SETD6: variants seen among roughly 807,000 people sequenced by gnomAD.
SETD6 encodes SET domain containing 6, protein lysine methyltransferase, also known as N-lysine methyltransferase SETD6.
In SETD6, 67 loss-of-function variants were observed where a neutral mutation model predicts 52.7. That is an observed-to-expected ratio of 1.27 (90% CI 1.04 to 1.56). The LOEUF (loss-of-function observed/expected upper bound fraction) is 1.56. SETD6 is among the 40% of genes most tolerant of loss of function. SETD6 has a pLI of 0.00. For synonymous variants in SETD6, 307 were observed against 250.2 expected, an observed-to-expected ratio of 1.23 and a Z score of -2.14; for missense variants, 712 against 607.5, an observed-to-expected ratio of 1.17 and a Z score of -1.81.
At position 58,523,721 on chromosome 16, in the gene SETD6, A is replaced by G. The variant is rs2039485401; in HGVS notation, c.*4692A>G. ...GATTTTAAAAATATTCATTTTTAAA[A>G]ACAGACCCACTATGTGCTAATGTAA... On this transcript the variant is annotated 3_prime_UTR_variant, in exon 8 of 8. Coordinates refer to ENST00000219315, the MANE Select transcript of SETD6 (RefSeq NM_001160305.4). The G allele has an allele frequency of 1.7e-5, 7 of 417,480 alleles. No homozygotes were observed. The South Asian group carries it at 2.7e-4, about 16-fold the overall frequency. 25.9% of individuals were successfully genotyped at this position (417,480 alleles called of 1,614,324 possible). A position where few individuals can be genotyped will look rare whatever the true frequency, so the allele number is the denominator to read the frequency against.
rs1028451106 is a variant in SETD6, at chr16:58,520,191, T to TC, written c.*1165dup. The TC allele has an allele frequency of 9.2e-5, 14 of 151,746 alleles. No individual in the cohort carries two copies. The highest frequency in any genetic ancestry group is 3.4e-4 in the African/African-American group (14 of 41,338). 9.4% of individuals were successfully genotyped at this position (151,746 alleles called of 1,614,324 possible). Reference sequence around the variant, plus strand: ...GAACAATTAATTAATGAGATTTGGTTCCCTTTCCTATATTCCCACTGTTTT... The same window carrying TC: ...GAACAATTAATTAATGAGATTTGGTTCCCCTTTCCTATATTCCCACTGTTTT... On this transcript the variant is annotated 3_prime_UTR_variant, in exon 8 of 8. Transcript: ENST00000219315.
chr16:58,522,170 T>C lies in SETD6; in HGVS notation c.*3141T>C, dbSNP rs1431919089. ...CCGTCTCTACTAAAAATACAAAAAATTAGCCGGACGTGGTGGCAGGTGCCT... is the reference window on the plus strand; with the variant it reads ...CCGTCTCTACTAAAAATACAAAAAACTAGCCGGACGTGGTGGCAGGTGCCT... On this transcript the variant is annotated 3_prime_UTR_variant, in exon 8 of 8. Transcript: ENST00000219315. Among the ~76,000 whole-genome samples the C allele has an allele frequency of 7.3e-6, 1 of 136,486 alleles. No homozygotes were observed. The highest frequency in any genetic ancestry group is 2.1e-4 in the East Asian group (1 of 4,748). 89.5% of individuals were successfully genotyped at this position (136,486 alleles called of 152,430 possible).
At chr16:58,516,951 C>T (rs1298763573) in intron 5 of SETD6, 23 bp downstream of exon 5, 2 of 1,614,074 alleles carry the variant, frequency 1.2e-6, no homozygotes, top group South Asian at 1.1e-5. Flanking sequence ...TCTCTTGGTG[C>T]ACTGATTGAG....
chr16:58,518,918 ACTC>A lies in SETD6; in HGVS notation c.1312_1314del (p.Leu438del). ...CAGACTTAAAAACTGACCAAGGTTT[ACTC>A]AGTAATAAGGAAGTCTATGCGAAAC... On this transcript the variant is annotated inframe_deletion, in exon 8 of 8. Coordinates refer to ENST00000219315, the MANE Select transcript of SETD6 (RefSeq NM_001160305.4). 6.2e-7 allele frequency: 1 copy of A among 1,614,236 alleles called. No homozygotes were observed. Among genetic ancestry groups the A allele is most frequent in the Non-Finnish European group, 8.5e-7 (1 of 1,180,046 alleles).
chr16:58,516,100 G>C lies in SETD6; in HGVS notation c.334+3G>C. The C allele has an allele frequency of 7.3e-7, 1 of 1,367,540 alleles. No homozygotes were observed. Among genetic ancestry groups the C allele is most frequent in the Non-Finnish European group, 9.4e-7 (1 of 1,063,680 alleles). The allele number at this position is 1,367,540 out of a possible 1,614,324, so 84.7% of individuals were successfully genotyped here. A position where few individuals can be genotyped will look rare whatever the true frequency, so the allele number is the denominator to read the frequency against. The stretch of plus-strand genomic sequence containing the variant: ...CATCGGCGGCCTGCTGGAGCGAGGT[G>C]GGCACGGCGGCGGGCTAGGGCCCTG... On this transcript the variant is annotated splice_donor_region_variant and intron_variant, in intron 2 of 7. Transcript: ENST00000219315.
chr16:58,516,671 A>G lies in SETD6; in HGVS notation c.670A>G (p.Ser224Gly), dbSNP rs1169322207. The change falls in exon 4 of 8, where the codon AGC (serine) becomes GGC (glycine). Residue 224 changes from serine (S) to glycine (G), a missense_variant and splice_region_variant. Coordinates refer to ENST00000219315, the MANE Select transcript of SETD6 (RefSeq NM_001160305.4). ...HQLVALVMAY[S>G]FQEPLEEEED... ...GCTGGTGGCCCTTGTGATGGCCTAT[A>G]GGTCAGTGGGTGGGGCCTCTGAGGA... 22 of 1,613,126 alleles carry G rather than the reference A, an allele frequency of 1.4e-5. No individual in the cohort carries two copies. The highest frequency in any genetic ancestry group is 1.8e-5 in the Non-Finnish European group (21 of 1,179,456).
At chr16:58,515,740 C>G in intron 1 of SETD6, 51 bp from the exon 2 acceptor site, 1 of 1,422,194 alleles carries the variant, frequency 7.0e-7, no homozygotes, top group Non-Finnish European at 9.2e-7. Flanking sequence ...CCTGCAGTTC[C>G]CAGCGGCCTC....
intron 5 of SETD6, 102 bp from the exon 6 acceptor site, chr16:58,517,949 C>T: frequency 7.0e-7 from 1 of 1,435,032 alleles, no homozygotes; most frequent in Non-Finnish European, 9.7e-7. Context: ...CAGCATCAGT[C>T]ATGGCTGAAC....
chr16:58,520,758 C>CA lies in SETD6; in HGVS notation c.*1731dup. On this transcript the variant is annotated 3_prime_UTR_variant, in exon 8 of 8. Coordinates refer to ENST00000219315, the MANE Select transcript of SETD6 (RefSeq NM_001160305.4). ...TTCACAGCATCTTCTAAATTTTGGC[C>CA]AAGAGTCAAAAAAATGCATTTAAAC... 1 of 582,438 alleles carries CA rather than the reference C, an allele frequency of 1.7e-6. No homozygotes were observed. Among genetic ancestry groups the CA allele is most frequent in the Non-Finnish European group, 3.0e-6 (1 of 330,066 alleles). The allele number at this position is 582,438 out of a possible 1,614,324, so 36.1% of individuals were successfully genotyped here.
chr16:58,519,031 A>G lies in SETD6; in HGVS notation c.*2A>G, dbSNP rs1404329529. 6.2e-7 allele frequency: 1 copy of G among 1,605,972 alleles called. No homozygotes were observed. The highest frequency in any genetic ancestry group is 8.5e-7 in the Non-Finnish European group (1 of 1,175,284). On this transcript the variant is annotated 3_prime_UTR_variant, in exon 8 of 8. Transcript: ENST00000219315. ...CAGTTGTTGGAGCTGACAAGTTAGC[A>G]GTTTCCCTGTTCCCTGAAGGAACAG...
In SETD6 at chr16:58,516,256, T is replaced by C. The variant is rs1236103390; in HGVS notation, c.389T>C (p.Leu130Pro). The part of the protein sequence containing the change: ...SGWVPLLLAL[L>P]HELQAPASRW... Reference sequence around the variant, plus strand: ...TGGGTGCCACTGCTGCTGGCGCTGCTCCACGAGCTGCAGGCCCCGGCCTCA... The same window carrying C: ...TGGGTGCCACTGCTGCTGGCGCTGCCCCACGAGCTGCAGGCCCCGGCCTCA... The change falls in exon 3 of 8, where the codon CTC (leucine) becomes CCC (proline). Residue 130 changes from leucine (L) to proline (P), a missense_variant. Physicochemically the swap from Leu to Pro is moderately conservative, Grantham distance 98. Transcript: ENST00000219315. The C allele has an allele frequency of 6.2e-7, 1 of 1,600,216 alleles. No individual in the cohort carries two copies. Among genetic ancestry groups the C allele is most frequent in the Non-Finnish European group, 8.5e-7 (1 of 1,179,650 alleles).
intron 2 of SETD6, 52 bp from the exon 3 acceptor site, chr16:58,516,150 G>GGGGCGGGGCGGGCCCGGCCC (rs2039138054): frequency 7.8e-7 from 1 of 1,282,226 alleles, no homozygotes. Context: ...GGGGCGGGGC[G>GGGGCGGGGCGGGCCCGGCCC]GGCCCGGCCC....
Position 58,515,792 on chromosome 16 carries a change from T to TGGCGGGGCCCGTGGAC in SETD6, c.35_50dup (p.Asp18AlafsTer163). ...GGTCACTGCGCGCACTTATCTCAGG[T>TGGCGGGGCCCGTGGAC]GGCGGGGCCCGTGGACGGCGGCGAC... On this transcript the variant is annotated frameshift_variant and splice_region_variant, in exon 2 of 8. Transcript: ENST00000219315. LOFTEE classifies it high-confidence loss of function. The TGGCGGGGCCCGTGGAC allele has an allele frequency of 6.6e-7, 1 of 1,504,868 alleles. No homozygotes were observed. The highest frequency in any genetic ancestry group is 8.8e-7 in the Non-Finnish European group (1 of 1,136,104). 93.2% of individuals were successfully genotyped at this position (1,504,868 alleles called of 1,614,324 possible).
In SETD6 at chr16:58,518,555, A is replaced by C. The variant is rs775915493; in HGVS notation, c.1116+12A>C. ...CCACCACACTAAAGGTAAACGGCTG[A>C]AAATGGCCATTTAATGCTGATAATC... is the stretch of plus-strand genomic sequence containing the variant. On this transcript the variant is annotated intron_variant, in intron 7 of 7. Coordinates refer to ENST00000219315, the MANE Select transcript of SETD6 (RefSeq NM_001160305.4). The C allele has an allele frequency of 5.0e-6, 8 of 1,596,382 alleles. No homozygotes were observed. Among genetic ancestry groups the C allele is most frequent in the South Asian group, 1.2e-5 (1 of 86,768 alleles).
chr16:58,515,867 A>G lies in SETD6; in HGVS notation c.104A>G (p.Glu35Gly). The G allele has an allele frequency of 6.6e-7, 1 of 1,523,960 alleles. No homozygotes were observed. Among genetic ancestry groups the G allele is most frequent in the East Asian group, 2.6e-5 (1 of 37,976 alleles). 94.4% of individuals were successfully genotyped at this position (1,523,960 alleles called of 1,614,324 possible). A position where few individuals can be genotyped will look rare whatever the true frequency, so the allele number is the denominator to read the frequency against. Residue 35 changes from glutamate to glycine, a missense_variant, in exon 2 of 8, where the codon GAG becomes GGG. Physicochemically the swap from Glu to Gly is moderately conservative, Grantham distance 98. Transcript: ENST00000219315. ...FLSWCRRVGL[E>G]LSPKVSERAG... The stretch of plus-strand genomic sequence containing the variant: ...AGCTGGTGCCGGCGGGTGGGGCTGG[A>G]GCTGAGTCCCAAGGTGAGCGAGCGA...
chr16:58,517,010 C>T (rs2039187148), intron 5 of SETD6, 82 bp downstream of exon 5: 1 of 1,599,546 alleles, frequency 6.3e-7, no homozygotes, highest in Non-Finnish European at 8.6e-7. Flanking sequence ...ACTAGTGCTA[C>T]AAAATGAGTA....
At chr16:58,518,681 A>T in intron 7 of SETD6, 43 bp from the exon 8 acceptor site, 1 of 1,600,764 alleles carries the variant, frequency 6.2e-7, no homozygotes, top group Non-Finnish European at 8.5e-7. Context: ...TCAGAAGTAC[A>T]AAAGCAGTAC....
rs747926700 is a variant in SETD6, at chr16:58,516,679, G to C, written c.671+7G>C. ...CCCTTGTGATGGCCTATAGGTCAGT[G>C]GGTGGGGCCTCTGAGGACGGAACCC... On this transcript the variant is annotated splice_region_variant and intron_variant, in intron 4 of 7. Coordinates refer to ENST00000219315, the MANE Select transcript of SETD6 (RefSeq NM_001160305.4). 1.1e-5 allele frequency: 17 copies of C among 1,612,112 alleles called. No homozygotes were observed. The highest frequency in any genetic ancestry group is 1.4e-5 in the Non-Finnish European group (16 of 1,178,892).
Position 58,522,237 on chromosome 16 carries a change from C to CAAAAAAAAAAAAA in SETD6, c.*3226_*3238dup, listed in dbSNP as rs56149974. 1.0e-5 allele frequency among the ~76,000 whole-genome samples: 1 copy of CAAAAAAAAAAAAA among 98,594 alleles called. No individual in the cohort carries two copies. The highest frequency in any genetic ancestry group is 4.2e-5 in the African/African-American group (1 of 23,636). The allele number at this position is 98,594 out of a possible 152,430, so 64.7% of individuals were successfully genotyped here. On this transcript the variant is annotated 3_prime_UTR_variant, in exon 8 of 8. Coordinates refer to ENST00000219315, the MANE Select transcript of SETD6 (RefSeq NM_001160305.4). Reference sequence around the variant, plus strand: ...AGGAGGCGACAAAGCGAGACTGTCTCAAAAAAAAAAAAAAAAAAAAAAAAA... The same window carrying CAAAAAAAAAAAAA: ...AGGAGGCGACAAAGCGAGACTGTCTCAAAAAAAAAAAAAAAAAAAAAAAAAAAAAAAAAAAAAA...
Sources: allele counts gnomAD v4.1 joint callset (sites outside exome capture counted in the v4.1 genomes callset), GRCh38; gene constraint gnomAD v4.1.1; transcripts MANE v1.5; gene names NCBI Gene and HGNC (gene_info 2026-07-23, HGNC 2026-07-21).